The following GPR171 variants were observed in gnomAD, a reference collection of about 807,000 sequenced individuals.
GPR171 encodes the protein G protein-coupled receptor 171.
Under a neutral mutation model 16.7 loss-of-function variants are expected in GPR171, and 14 were observed. The observed-to-expected ratio is 0.84, with a 90% CI of 0.55 to 1.31. The LOEUF (loss-of-function observed/expected upper bound fraction) is 1.31, where lower values mean the gene tolerates loss of function less well. Among genes scored for constraint, GPR171 ranks in the 40% most tolerant of loss-of-function variants. The pLI is 0.00. For missense variants in GPR171, 337 were observed against 378.9 expected (o/e 0.89, Z 0.92); for synonymous variants, 134 against 135.6 (o/e 0.99, Z 0.08).
Position 151,199,338 on chromosome 3 carries a change from A to G in GPR171, c.49T>C (p.Phe17Leu), listed in dbSNP as rs1214309597. Reference sequence around the variant, plus strand: ...AAAACTAAATAAAAAAAATACGTGAATGGCTCCAGATCTTTATAAACTGGG... The same window carrying G: ...AAAACTAAATAAAAAAAATACGTGAGTGGCTCCAGATCTTTATAAACTGGG... The part of the protein sequence containing the change: ...FCPVYKDLEP[F>L]TYFFYLVFLV... The change falls in exon 3 of 3, where the codon TTC (phenylalanine) becomes CTC (leucine). Residue 17 changes from phenylalanine to leucine, a missense_variant. Coordinates refer to ENST00000309180, the MANE Select transcript of GPR171 (RefSeq NM_013308.4). 2 of 1,613,516 alleles carry G rather than the reference A, an allele frequency of 1.2e-6. No homozygotes were observed. Among genetic ancestry groups the G allele is most frequent in the East Asian group, 2.2e-5 (1 of 44,878 alleles).
In GPR171 at chr3:151,198,622, A is replaced by C. The variant is rs1410351674; in HGVS notation, c.765T>G (p.Thr255=). 1.2e-6 allele frequency: 2 copies of C among 1,614,022 alleles called. No individual in the cohort carries two copies. Among genetic ancestry groups the C allele is most frequent in the Non-Finnish European group, 1.7e-6 (2 of 1,179,890 alleles). The part of the protein sequence containing the change: ...PYTLSQTEVI[T]DCSTRISLFK... ...AGAGTGAAATCCTGGTTGAGCAATC[A>C]GTTATGACTTCTGTCTGGCTGAGGG... The change falls in exon 3 of 3, where the codon ACT becomes ACG. Residue 255 remains threonine, a synonymous_variant. Coordinates refer to ENST00000309180, the MANE Select transcript of GPR171 (RefSeq NM_013308.4).
At chr3:151,202,871 G>A (rs577453948) in intron 1 of GPR171, among the ~76,000 whole-genome samples, 1 of 152,130 alleles carries the variant, frequency 6.6e-6, no homozygotes, top group Non-Finnish European at 1.5e-5. Context: ...GCTCGCTCAG[G>A]TATTCAGTCT....
intron 1 of GPR171, among the ~76,000 whole-genome samples, chr3:151,202,067 A>C (rs867174670): frequency 1.3e-5 from 2 of 152,248 alleles, no homozygotes; most frequent in African/African-American, 4.8e-5. Flanking sequence ...ATGAATAATC[A>C]TTCAGTAATT....
In GPR171 at chr3:151,198,136, G is replaced by A. The variant is rs1218924421; in HGVS notation, c.*291C>T. Reference sequence around the variant, plus strand: ...AACTCATGAATACCTTTGGGTCTATGTCATGGACCTCTTTTGGATTTCAAG... The same window carrying A: ...AACTCATGAATACCTTTGGGTCTATATCATGGACCTCTTTTGGATTTCAAG... On this transcript the variant is annotated 3_prime_UTR_variant, in exon 3 of 3. Coordinates refer to ENST00000309180, the MANE Select transcript of GPR171 (RefSeq NM_013308.4). 2.5e-5 allele frequency: 6 copies of A among 236,268 alleles called. No individual in the cohort carries two copies. The highest frequency in any genetic ancestry group is 8.2e-6 in the Non-Finnish European group (1 of 121,454). 14.6% of individuals were successfully genotyped at this position (236,268 alleles called of 1,614,324 possible).
At chr3:151,200,827 T>G (rs1030371851) in intron 2 of GPR171, 82 bp downstream of exon 2, 1 of 152,270 alleles carries the variant, frequency 6.6e-6, no homozygotes, top group Non-Finnish European at 1.5e-5. Flanking sequence ...CTTATTTAAC[T>G]TCTTATCATT....
intron 2 of GPR171, among the ~76,000 whole-genome samples, chr3:151,200,243 G>A (rs926581192): frequency 1.3e-5 from 2 of 152,146 alleles, no homozygotes; most frequent in Non-Finnish European, 2.9e-5. Flanking sequence ...CATTGAGCGG[G>A]TTTGTAAGCT....
chr3:151,198,191 G>GT lies in GPR171; in HGVS notation c.*235_*236insA. 1 of 367,082 alleles carries GT rather than the reference G, an allele frequency of 2.7e-6. No homozygotes were observed. The highest frequency in any genetic ancestry group is 2.1e-5 in the African/African-American group (1 of 48,128). The allele number at this position is 367,082 out of a possible 1,614,324, so 22.7% of individuals were successfully genotyped here. A position where few individuals can be genotyped will look rare whatever the true frequency, so the allele number is the denominator to read the frequency against. On this transcript the variant is annotated 3_prime_UTR_variant, in exon 3 of 3. Transcript: ENST00000309180. ...TTGCAGGATTTTACATTCGTTCAATGAGACTCTTTAGTTTTTTGTACAAAT... is the reference window on the plus strand; with the variant it reads ...TTGCAGGATTTTACATTCGTTCAATGTAGACTCTTTAGTTTTTTGTACAAAT...
intron 1 of GPR171, among the ~76,000 whole-genome samples, 193 bp downstream of exon 1, chr3:151,202,911 G>C (rs1024457931): frequency 1.3e-5 from 2 of 152,186 alleles, no homozygotes; most frequent in African/African-American, 4.8e-5. Context: ...TTTGGAGACA[G>C]ATGAATGGGT....
At chr3:151,202,688 CAAAAT>C (rs1725798028) in intron 1 of GPR171, among the ~76,000 whole-genome samples, 1 of 152,082 alleles carries the variant, frequency 6.6e-6, no homozygotes, top group Admixed American at 6.5e-5. Flanking sequence ...AAAACAAAAA[CAAAAT>C]AAAAGCTTAT....
At chr3:151,200,536 G>C (rs1725401148) in intron 2 of GPR171, among the ~76,000 whole-genome samples, 1 of 152,190 alleles carries the variant, frequency 6.6e-6, no homozygotes, top group African/African-American at 2.4e-5. Flanking sequence ...TTTAATAAGA[G>C]AATAAAACTT....
chr3:151,202,656 C>T (rs1178727580), intron 1 of GPR171, among the ~76,000 whole-genome samples: 4 of 152,122 alleles, frequency 2.6e-5, no homozygotes, highest in South Asian at 2.1e-4. Context: ...GGTGAAAAAG[C>T]GAGACTCCTC....
intron 2 of GPR171, 143 bp from the exon 3 acceptor site, chr3:151,199,582 G>A (rs1725234098): frequency 2.0e-6 from 1 of 505,058 alleles, no homozygotes; most frequent in East Asian, 3.0e-5. Context: ...GGCCTGGTGA[G>A]AACATACTAG....
Position 151,198,208 on chromosome 3 carries a change from T to G in GPR171, c.*219A>C. 4.9e-6 allele frequency: 2 copies of G among 406,596 alleles called. No homozygotes were observed. The highest frequency in any genetic ancestry group is 7.4e-5 in the East Asian group (2 of 26,924). 25.2% of individuals were successfully genotyped at this position (406,596 alleles called of 1,614,324 possible). On this transcript the variant is annotated 3_prime_UTR_variant, in exon 3 of 3. Transcript: ENST00000309180. ...CGTTCAATGAGACTCTTTAGTTTTTTGTACAAATATTTGGGTTAATGAGTA... is the reference window on the plus strand; with the variant it reads ...CGTTCAATGAGACTCTTTAGTTTTTGGTACAAATATTTGGGTTAATGAGTA...
rs770890731 is a variant in GPR171 at position 151,198,432 on chromosome 3, CATT to C, written c.952_954del (p.Asn318del). ...AGCACAAAAAATCCTGTCTTTTATG[CATT>C]ATTTTCACATCTTAATTTTTCTTTC... On this transcript the variant is annotated inframe_deletion, in exon 3 of 3. Transcript: ENST00000309180. The C allele has an allele frequency of 6.3e-7, 1 of 1,596,158 alleles. No individual in the cohort carries two copies. Among genetic ancestry groups the C allele is most frequent in the East Asian group, 2.2e-5 (1 of 44,572 alleles).
Position 151,198,663 on chromosome 3 carries a change from CA to C in GPR171, c.723del (p.Ile241MetfsTer14). On this transcript the variant is annotated frameshift_variant, in exon 3 of 3. Transcript: ENST00000309180. LOFTEE classifies it high-confidence loss of function. ...GYIICFVPYH[I>X]VRIPYTLSQT... The stretch of plus-strand genomic sequence containing the variant: ...TGGCTGAGGGTATACGGGATTCGGA[CA>C]ATGTGGTAAGGAACAAAGCATATGA... 3.7e-6 allele frequency: 6 copies of C among 1,614,044 alleles called. No homozygotes were observed. The highest frequency in any genetic ancestry group is 5.1e-6 in the Non-Finnish European group (6 of 1,179,990).
rs200140652 is a variant in GPR171, at chr3:151,199,428, A to T, written c.-42T>A. 1.9e-5 allele frequency: 29 copies of T among 1,530,030 alleles called. No individual in the cohort carries two copies. Among genetic ancestry groups the T allele is most frequent in the Non-Finnish European group, 2.4e-5 (27 of 1,141,278 alleles). 94.8% of individuals were successfully genotyped at this position (1,530,030 alleles called of 1,614,324 possible). A position where few individuals can be genotyped will look rare whatever the true frequency, so the allele number is the denominator to read the frequency against. The stretch of plus-strand genomic sequence containing the variant: ...GATGACTGCTTATTGAAAAGAAAAA[A>T]TTTCTAAGACTCTGTAAAAGAAACA... On this transcript the variant is annotated 5_prime_UTR_variant, in exon 3 of 3. Transcript: ENST00000309180.
chr3:151,198,540 T>C lies in GPR171; in HGVS notation c.847A>G (p.Ile283Val), dbSNP rs3732756. The C allele has an allele frequency of 0.016, 25,779 of 1,614,050 alleles. 495 individuals carry two copies. The highest frequency in any genetic ancestry group is 0.12 in the East Asian group (5,272 of 44,862). ...LAVSNLCFDP[I>V]LYYHLSKAFR... ...GCTTTTGAGAGGTGATAGTACAGGA[T>C]AGGATCAAAGCACAGGTTCGACACA... Residue 283 changes from isoleucine to valine, a missense_variant, in exon 3 of 3, where the codon ATC becomes GTC. Physicochemically the swap from Ile to Val is conservative, Grantham distance 29. Coordinates refer to ENST00000309180, the MANE Select transcript of GPR171 (RefSeq NM_013308.4).
chr3:151,202,706 G>A (rs1725800590), intron 1 of GPR171, among the ~76,000 whole-genome samples: 1 of 152,138 alleles, frequency 6.6e-6, no homozygotes, highest in South Asian at 2.1e-4. Flanking sequence ...AAGCTTATTA[G>A]ATTTTCTATG....
rs1231335534 is a variant in GPR171, at chr3:151,199,354, A to T, written c.33T>A (p.Tyr11Ter). 4 of 1,612,874 alleles carry T rather than the reference A, an allele frequency of 2.5e-6. No homozygotes were observed. The highest frequency in any genetic ancestry group is 8.5e-7 in the Non-Finnish European group (1 of 1,179,624). MTNSSFFCPVYKDLEPFTYFF... is the reference protein window; with the variant it reads MTNSSFFCPV ...AATACGTGAATGGCTCCAGATCTTT[A>T]TAAACTGGGCAGAAGAACGAACTGT... Residue 11 changes from tyrosine (Y) to a stop codon, truncating the protein, a stop_gained, in exon 3 of 3, where the codon TAT (tyrosine) becomes TAA (stop). Coordinates refer to ENST00000309180, the MANE Select transcript of GPR171 (RefSeq NM_013308.4). LOFTEE classifies it high-confidence loss of function.
Sources: gnomAD v4.1 joint callset for allele counts (sites outside exome capture counted in the v4.1 genomes callset) on GRCh38, gnomAD v4.1.1 for gene constraint, MANE v1.5 for transcripts, NCBI Gene and HGNC (gene_info 2026-07-23, HGNC 2026-07-21) for gene names.